RNGTT: variants seen among roughly 807,000 people sequenced by gnomAD.
RNGTT encodes RNA guanylyltransferase and 5'-phosphatase, also known as mRNA-capping enzyme.
Under a neutral mutation model 79.3 loss-of-function variants are expected in RNGTT, and 33 were observed. The ratio of observed to expected loss-of-function variants is 0.42; its 90% confidence interval spans 0.32 to 0.56. The LOEUF is 0.56. Among genes scored for constraint, RNGTT ranks in the 20% least tolerant of loss-of-function variants. The pLI, the probability that RNGTT is intolerant of heterozygous loss-of-function variation, is 0.17. For missense variants in RNGTT, 497 were observed against 739.1 expected (o/e 0.67, Z 3.80); for synonymous variants, 222 against 235.9 (o/e 0.94, Z 0.54).
At position 88,692,693 on chromosome 6, in the gene RNGTT, A is replaced by G. The variant is rs572537055; in HGVS notation, c.1440-14274T>C. ...AAGGAAAATTTTGGGGGTGATGGACATGTTTATCATCTTATCCTGGGAACA... is the reference window on the plus strand; with the variant it reads ...AAGGAAAATTTTGGGGGTGATGGACGTGTTTATCATCTTATCCTGGGAACA... On this transcript the variant is annotated intron_variant, in intron 13 of 15. Coordinates refer to ENST00000369485, the MANE Select transcript of RNGTT (RefSeq NM_003800.5). Among the ~76,000 whole-genome samples the G allele has an allele frequency of 7.2e-5, 11 of 152,284 alleles. No homozygotes were observed. In the East Asian group the frequency reaches 2.1e-3, roughly 29 times the overall value.
chr6:88,664,463 G>C (rs542980778), intron 14 of RNGTT, among the ~76,000 whole-genome samples: 167 of 152,272 alleles, frequency 1.1e-3, no homozygotes, highest in Non-Finnish European at 1.9e-3. Flanking sequence ...CCAACCAAGT[G>C]TTTGTAAATA....
chr6:88,955,189 A>G (rs1785386076), intron 1 of RNGTT, among the ~76,000 whole-genome samples: 1 of 152,204 alleles, frequency 6.6e-6, no homozygotes. Context: ...GAATGATAAC[A>G]GTGACACAAC....
intron 13 of RNGTT, among the ~76,000 whole-genome samples, chr6:88,679,060 G>C (rs986724576): frequency 6.6e-6 from 1 of 151,866 alleles, no homozygotes; most frequent in Non-Finnish European, 1.5e-5. Context: ...TCTCAGCCTA[G>C]TCAACGTGAA....
intron 2 of RNGTT, among the ~76,000 whole-genome samples, chr6:88,934,407 G>C (rs1448636328): frequency 6.6e-6 from 1 of 152,122 alleles, no homozygotes; most frequent in African/African-American, 2.4e-5. Context: ...CTGATGATTA[G>C]TAATGTTGAG....
chr6:88,673,097 A>T (rs902954996), intron 14 of RNGTT, among the ~76,000 whole-genome samples: 6 of 152,198 alleles, frequency 3.9e-5, no homozygotes, highest in Admixed American at 1.3e-4. Flanking sequence ...GTTGTAAAAT[A>T]TCTCTAGCAA....
At chr6:88,674,678 G>T (rs927781063) in intron 14 of RNGTT, among the ~76,000 whole-genome samples, 2 of 151,928 alleles carry the variant, frequency 1.3e-5, no homozygotes, top group Non-Finnish European at 2.9e-5. Context: ...TAAGCAGGTG[G>T]AAAGGAGTTT....
intron 11 of RNGTT, among the ~76,000 whole-genome samples, chr6:88,824,287 C>T (rs1468062627): frequency 6.6e-6 from 1 of 152,206 alleles, no homozygotes; most frequent in African/African-American, 2.4e-5. Context: ...GGCTACAAAC[C>T]TGTACAGCAT....
chr6:88,809,767 G>C (rs147524224), intron 11 of RNGTT, among the ~76,000 whole-genome samples: 1 of 152,132 alleles, frequency 6.6e-6, no homozygotes, highest in East Asian at 1.9e-4. Flanking sequence ...GAAGATCAAT[G>C]ACCAGGCACA....
chr6:88,839,986 T>C (rs1582526830), intron 11 of RNGTT, among the ~76,000 whole-genome samples: 1 of 152,186 alleles, frequency 6.6e-6, no homozygotes, highest in East Asian at 1.9e-4. Context: ...ATCAGAATCA[T>C]CTTTGAGATT....
chr6:88,675,462 C>A (rs1044973041), intron 14 of RNGTT, among the ~76,000 whole-genome samples: 1 of 152,058 alleles, frequency 6.6e-6, no homozygotes, highest in South Asian at 2.1e-4. Flanking sequence ...GAGGCCAAGG[C>A]GGGAGGATTG....
chr6:88,841,593 G>T (rs1269671091), intron 11 of RNGTT, among the ~76,000 whole-genome samples: 1 of 152,104 alleles, frequency 6.6e-6, no homozygotes, highest in African/African-American at 2.4e-5. Flanking sequence ...CCTAAACCAG[G>T]CATATAAAAC....
At chr6:88,913,576 T>C (rs1783905393) in intron 4 of RNGTT, among the ~76,000 whole-genome samples, 1 of 152,202 alleles carries the variant, frequency 6.6e-6, no homozygotes, top group Non-Finnish European at 1.5e-5. Flanking sequence ...GTAAGTGTGA[T>C]TTAACACATA....
chr6:88,844,674 C>A (rs1355333248), intron 10 of RNGTT, among the ~76,000 whole-genome samples, 153 bp from the exon 11 acceptor site: 2 of 152,194 alleles, frequency 1.3e-5, no homozygotes, highest in African/African-American at 4.8e-5. Flanking sequence ...TATACCAACC[C>A]TAATAATTAG....
intron 2 of RNGTT, among the ~76,000 whole-genome samples, chr6:88,930,272 T>C (rs1784478675): frequency 6.8e-6 from 1 of 146,966 alleles, no homozygotes; most frequent in Admixed American, 6.7e-5. Context: ...TTCTTTGTTA[T>C]TAACAACTCT....
At chr6:88,628,859 A>C (rs2127768420) in intron 14 of RNGTT, among the ~76,000 whole-genome samples, 1 of 152,358 alleles carries the variant, frequency 6.6e-6, no homozygotes, top group Admixed American at 6.5e-5. Context: ...AGAAATGACT[A>C]ACAGTTAAAG....
intron 14 of RNGTT, among the ~76,000 whole-genome samples, chr6:88,646,337 G>A (rs1298555038): frequency 6.6e-6 from 1 of 152,162 alleles, no homozygotes; most frequent in Non-Finnish European, 1.5e-5. Flanking sequence ...AAAAAGTCAG[G>A]AAACAATAGG....
At chr6:88,927,078 A>G (rs1432923387) in intron 4 of RNGTT, among the ~76,000 whole-genome samples, 2 of 152,212 alleles carry the variant, frequency 1.3e-5, no homozygotes, top group African/African-American at 4.8e-5. Context: ...AAATTTGATG[A>G]AAAAAAGTTT....
At chr6:88,699,610 A>G (rs1187968759) in intron 13 of RNGTT, among the ~76,000 whole-genome samples, 5 of 152,164 alleles carry the variant, frequency 3.3e-5, no homozygotes, top group Non-Finnish European at 1.5e-5. Flanking sequence ...GGCTGCAGTG[A>G]GCCATGATAG....
chr6:88,754,310 C>G (rs1023026372), intron 13 of RNGTT, among the ~76,000 whole-genome samples: 1 of 152,158 alleles, frequency 6.6e-6, no homozygotes, highest in Non-Finnish European at 1.5e-5. Flanking sequence ...CCACTGAAAT[C>G]TAAAAACCCT....
Sources: allele counts gnomAD v4.1 joint callset (sites outside exome capture counted in the v4.1 genomes callset), GRCh38; gene constraint gnomAD v4.1.1; transcripts MANE v1.5; gene names NCBI Gene and HGNC (gene_info 2026-07-23, HGNC 2026-07-21).